SSBP3: variants seen among roughly 807,000 people sequenced by gnomAD.
SSBP3 encodes single-stranded DNA-binding protein 3.
SSBP3 carries 5 observed loss-of-function variants against 69.6 expected under a neutral mutation model. That is an observed-to-expected ratio of 0.07 (90% CI 0.04 to 0.15). The LOEUF is 0.15. Among genes scored for constraint, SSBP3 ranks in the 10% least tolerant of loss-of-function variants. The pLI, the probability that SSBP3 is intolerant of heterozygous loss-of-function variation, is 1.00. For missense variants in SSBP3, 312 were observed against 534.0 expected, an observed-to-expected ratio of 0.58 and a Z score of 4.10; for synonymous variants, 196 against 193.4, an observed-to-expected ratio of 1.01 and a Z score of -0.11.
chr1:54,355,112 C>A (rs979508971), intron 4 of SSBP3, among the ~76,000 whole-genome samples: 1 of 152,226 alleles, frequency 6.6e-6, no homozygotes, highest in Non-Finnish European at 1.5e-5. Context: ...GCCAGGACAA[C>A]GGTGTGACCT....
At chr1:54,400,199 C>T (rs1488543079) in intron 4 of SSBP3, among the ~76,000 whole-genome samples, 2 of 152,080 alleles carry the variant, frequency 1.3e-5, no homozygotes, top group East Asian at 1.9e-4. Context: ...TGTAGAGCAC[C>T]GAACTTGGTT....
intron 5 of SSBP3, among the ~76,000 whole-genome samples, chr1:54,278,290 A>G (rs1343127592): frequency 6.6e-6 from 1 of 150,920 alleles, no homozygotes. Flanking sequence ...CTAGGTCCTT[A>G]GTATATGCCA....
At chr1:54,316,246 G>A (rs1569775271) in intron 4 of SSBP3, among the ~76,000 whole-genome samples, 2 of 152,240 alleles carry the variant, frequency 1.3e-5, no homozygotes, top group South Asian at 4.2e-4. Flanking sequence ...GGGAGGCTGA[G>A]GGAGGAGGAT....
intron 14 of SSBP3, among the ~76,000 whole-genome samples, chr1:54,236,206 C>CCA (rs1644489396): frequency 1.3e-5 from 2 of 151,530 alleles, no homozygotes; most frequent in South Asian, 4.2e-4. Context: ...ACCTCCACCT[C>CCA]CCAGGCTCAA....
In SSBP3 at chr1:54,258,227, A is replaced by T; in HGVS notation, c.367-78T>A. ...GCAGAAGCAGCTTAAAAGAACAAAA[A>T]TTAAACCAAAACGAAGGGTGGGCGG... is the stretch of plus-strand genomic sequence containing the variant. On this transcript the variant is annotated intron_variant, in intron 5 of 17. Transcript: ENST00000610401. This position sits in a 1 kb window ranked among gnomAD's most constrained non-coding sequence, Gnocchi z 4.5. 18 of 954,598 alleles carry T rather than the reference A, an allele frequency of 1.9e-5. No homozygotes were observed. The highest frequency in any genetic ancestry group is 3.6e-5 in the African/African-American group (2 of 56,146). The allele number at this position is 954,598 out of a possible 1,614,324, so 59.1% of individuals were successfully genotyped here.
chr1:54,388,966 C>G (rs1400162072), intron 4 of SSBP3, among the ~76,000 whole-genome samples: 1 of 152,212 alleles, frequency 6.6e-6, no homozygotes, highest in African/African-American at 2.4e-5. Context: ...GTGGGTCCTG[C>G]CTAAGGATTC....
intron 4 of SSBP3, among the ~76,000 whole-genome samples, chr1:54,345,578 T>C (rs752236988): frequency 4.6e-5 from 7 of 152,190 alleles, no homozygotes; most frequent in Non-Finnish European, 7.3e-5. Context: ...TCTGAAGTGC[T>C]TGCATGAACA....
chr1:54,394,382 GC>G (rs1041539600), intron 4 of SSBP3, among the ~76,000 whole-genome samples: 1 of 139,958 alleles, frequency 7.1e-6, no homozygotes, highest in African/African-American at 2.7e-5. Context: ...TCCCCCCACT[GC>G]CCCCCCAACT....
chr1:54,343,089 C>T (rs916792489), intron 4 of SSBP3, among the ~76,000 whole-genome samples: 1 of 152,208 alleles, frequency 6.6e-6, no homozygotes, highest in African/African-American at 2.4e-5. Flanking sequence ...CACCCGCCTG[C>T]GAGCTCCATA....
At chr1:54,389,019 T>C (rs1648285500) in intron 4 of SSBP3, among the ~76,000 whole-genome samples, 1 of 152,162 alleles carries the variant, frequency 6.6e-6, no homozygotes, top group South Asian at 2.1e-4. Flanking sequence ...TCTTGAGGCA[T>C]TGCTAATATT....
Position 54,373,635 on chromosome 1 carries a change from C to T in SSBP3, c.276+28226G>A, listed in dbSNP as rs56268280. 3.9e-5 allele frequency among the ~76,000 whole-genome samples: 6 copies of T among 152,022 alleles called. 1 individual carries two copies. Among genetic ancestry groups the T allele is most frequent in the Admixed American group, 2.6e-4 (4 of 15,282 alleles). ...TACAAAAATTAGCCATATGTGGCGG[C>T]GCATGCCTGTAGTCCCAGCTACTTG... On this transcript the variant is annotated intron_variant, in intron 4 of 17. Transcript: ENST00000610401.
At chr1:54,288,791 G>C (rs1325309109) in intron 4 of SSBP3, among the ~76,000 whole-genome samples, 1 of 151,940 alleles carries the variant, frequency 6.6e-6, no homozygotes, top group Non-Finnish European at 1.5e-5. Context: ...GGCCAAGGTG[G>C]GCGGATCACA....
chr1:54,392,554 G>A (rs1341880738), intron 4 of SSBP3, among the ~76,000 whole-genome samples: 1 of 152,202 alleles, frequency 6.6e-6, no homozygotes, highest in Non-Finnish European at 1.5e-5. Context: ...GACCCACTAA[G>A]TTGGTTTCAT....
At chr1:54,285,553 T>G (rs930647739) in intron 4 of SSBP3, 1 of 152,168 alleles carries the variant, frequency 6.6e-6, no homozygotes, top group African/African-American at 2.4e-5. Flanking sequence ...GTCCCCAGGC[T>G]GGAATGCAGT....
intron 4 of SSBP3, among the ~76,000 whole-genome samples, chr1:54,398,740 T>C (rs1033178473): frequency 1.3e-5 from 2 of 152,180 alleles, no homozygotes; most frequent in African/African-American, 4.8e-5. Flanking sequence ...CCTCCTCCCA[T>C]GACCCGGGGG....
chr1:54,283,901 A>G (rs1416640142), intron 4 of SSBP3, among the ~76,000 whole-genome samples: 2 of 152,226 alleles, frequency 1.3e-5, no homozygotes, highest in African/African-American at 4.8e-5. Flanking sequence ...TGGCTGCATT[A>G]CTGTTTTTCT....
chr1:54,283,536 T>C (rs1314352126), intron 4 of SSBP3, among the ~76,000 whole-genome samples: 1 of 152,148 alleles, frequency 6.6e-6, no homozygotes, highest in Non-Finnish European at 1.5e-5. Flanking sequence ...TTGTGGGGGA[T>C]AAAGTGACAG....
At chr1:54,288,353 C>A (rs1298544450) in intron 4 of SSBP3, among the ~76,000 whole-genome samples, 1 of 152,180 alleles carries the variant, frequency 6.6e-6, no homozygotes, top group Non-Finnish European at 1.5e-5. Flanking sequence ...TCCAGTGACA[C>A]TGTGGATGTC....
chr1:54,314,633 T>G (rs186629809), intron 4 of SSBP3, among the ~76,000 whole-genome samples: 59 of 152,328 alleles, frequency 3.9e-4, no homozygotes, highest in African/African-American at 1.4e-3. Context: ...AGACAAAGAT[T>G]CTATGAACTT....
Sources: gnomAD v4.1 joint callset for allele counts (sites outside exome capture counted in the v4.1 genomes callset) on GRCh38, gnomAD v4.1.1 for gene constraint, Gnocchi (gnomAD v3.1) non-coding constraint, MANE v1.5 for transcripts, NCBI Gene and HGNC (gene_info 2026-07-23, HGNC 2026-07-21) for gene names.